SLC44A3: variants seen among roughly 807,000 people sequenced by gnomAD.
The protein encoded by SLC44A3 is choline transporter-like protein 3.
SLC44A3 carries 74 observed loss-of-function variants against 75.4 expected under a neutral mutation model. The ratio of observed to expected loss-of-function variants is 0.98; its 90% confidence interval spans 0.81 to 1.19. The LOEUF (loss-of-function observed/expected upper bound fraction) is 1.19. SLC44A3 is among the 50% of genes most tolerant of loss of function. The pLI is 0.00. For missense variants in SLC44A3, 700 were observed against 778.6 expected (o/e 0.90, Z 1.20); for synonymous variants, 310 against 296.9 (o/e 1.04, Z -0.45).
intron 9 of SLC44A3, among the ~76,000 whole-genome samples, chr1:94,849,728 A>G (rs1664952619): frequency 6.6e-6 from 1 of 152,152 alleles, no homozygotes; most frequent in African/African-American, 2.4e-5. Flanking sequence ...TCCTCAGTAC[A>G]TAAATAGTTG....
intron 5 of SLC44A3, among the ~76,000 whole-genome samples, chr1:94,832,036 A>G (rs2021038): frequency 0.54 from 82,516 of 151,812 alleles, 22,486 homozygotes; most frequent in East Asian, 0.69. Context: ...GTGTGATGGC[A>G]GGCGCCTGTA....
intron 9 of SLC44A3, 120 bp downstream of exon 9, chr1:94,845,584 C>A: frequency 1.1e-6 from 1 of 910,424 alleles, no homozygotes; most frequent in Non-Finnish European, 1.6e-6. Context: ...TGTCTGATGA[C>A]AGCAGCGTTG....
rs748500870 is a variant in SLC44A3 at position 94,894,890 on chromosome 1, G to C, written c.1930G>C (p.Glu644Gln). The C allele has an allele frequency of 2.1e-5, 34 of 1,611,894 alleles. 1 individual carries two copies. The highest frequency in any genetic ancestry group is 2.9e-5 in the Non-Finnish European group (34 of 1,178,698). Residue 644 changes from glutamate to glutamine, a missense_variant, in exon 15 of 15, where the codon GAG becomes CAG. Glu to Gln is a conservative substitution (Grantham distance 29). Transcript: ENST00000271227. ...QQDKHSLRNE[E>Q]GTELQAIVR ...GGACAAGCACTCATTAAGGAATGAG[G>C]AGGGAACAGAACTCCAGGCCATTGT... is the stretch of plus-strand genomic sequence containing the variant.
At chr1:94,881,325 C>T (rs1668943636) in intron 12 of SLC44A3, among the ~76,000 whole-genome samples, 1 of 152,186 alleles carries the variant, frequency 6.6e-6, no homozygotes, top group Non-Finnish European at 1.5e-5. Flanking sequence ...ACATGAAAAA[C>T]ATGAATGTTC....
chr1:94,820,736 C>G (rs1285290582), intron 1 of SLC44A3: 1 of 1,391,086 alleles, frequency 7.2e-7, no homozygotes, highest in African/African-American at 1.5e-5. Context: ...AAGCACTTGG[C>G]GGCAGGGGGC....
chr1:94,851,964 C>A (rs1260334530), intron 9 of SLC44A3, among the ~76,000 whole-genome samples: 1 of 152,216 alleles, frequency 6.6e-6, no homozygotes, highest in African/African-American at 2.4e-5. Flanking sequence ...TAATAATATC[C>A]AGACTTACAG....
At chr1:94,879,209 AACT>A (rs956428183) in intron 12 of SLC44A3, among the ~76,000 whole-genome samples, 5 of 65,054 alleles carry the variant, frequency 7.7e-5, no homozygotes, top group Admixed American at 2.0e-4. Context: ...ATTTAACAAC[AACT>A]ACAAAAAAAA....
chr1:94,839,854 C>A, intron 6 of SLC44A3, 94 bp from the exon 7 acceptor site: 3 of 848,302 alleles, frequency 3.5e-6, no homozygotes, highest in Admixed American at 3.7e-5. Flanking sequence ...CCTCAGCCGT[C>A]ACTGTTCTGG....
At chr1:94,850,876 T>A in intron 9 of SLC44A3, among the ~76,000 whole-genome samples, 1 of 152,326 alleles carries the variant, frequency 6.6e-6, no homozygotes, top group East Asian at 1.9e-4. Flanking sequence ...GTCTTTTTTT[T>A]AAGTTTTCAG....
intron 11 of SLC44A3, among the ~76,000 whole-genome samples, chr1:94,867,055 C>G (rs888643582): frequency 6.6e-6 from 1 of 151,020 alleles, no homozygotes; most frequent in Non-Finnish European, 1.5e-5. Context: ...TTTTTTTTTA[C>G]TGGAACCAGA....
chr1:94,862,954 G>A (rs538366799), intron 10 of SLC44A3, among the ~76,000 whole-genome samples: 1 of 152,304 alleles, frequency 6.6e-6, no homozygotes, highest in African/African-American at 2.4e-5. Flanking sequence ...AGACAGAGCT[G>A]GAGGCACTAG....
intron 12 of SLC44A3, among the ~76,000 whole-genome samples, chr1:94,876,588 G>A (rs535547203): frequency 6.6e-6 from 1 of 152,240 alleles, no homozygotes; most frequent in Non-Finnish European, 1.5e-5. Flanking sequence ...GTGAGTCACT[G>A]TGGCTGAAGG....
At chr1:94,854,227 G>A (rs1557844558) in intron 9 of SLC44A3, among the ~76,000 whole-genome samples, 1 of 152,204 alleles carries the variant, frequency 6.6e-6, no homozygotes, top group South Asian at 2.1e-4. Flanking sequence ...TTGCTTAGGG[G>A]ACAGTGCAGA....
intron 7 of SLC44A3, among the ~76,000 whole-genome samples, chr1:94,841,187 TATCTAAACAC>T (rs1327821948): frequency 2.6e-5 from 4 of 152,238 alleles, no homozygotes; most frequent in Non-Finnish European, 5.9e-5. Context: ...AGTATTTGTG[TATCTAAACAC>T]ATCTAAGCAC....
intron 4 of SLC44A3, 142 bp from the exon 5 acceptor site, chr1:94,828,351 T>C (rs1330337254): frequency 5.3e-6 from 3 of 561,620 alleles, no homozygotes; most frequent in Non-Finnish European, 9.3e-6. Flanking sequence ...GACCTCAGAT[T>C]GTATGCCTAT....
intron 3 of SLC44A3, 120 bp from the exon 4 acceptor site, chr1:94,827,387 A>G: frequency 7.8e-7 from 1 of 1,274,530 alleles, no homozygotes; most frequent in Non-Finnish European, 1.1e-6. Context: ...TGAAACAATT[A>G]TGAAAGTGTG....
intron 10 of SLC44A3, among the ~76,000 whole-genome samples, chr1:94,858,955 G>T (rs116474848): frequency 6.6e-6 from 1 of 152,110 alleles, no homozygotes; most frequent in African/African-American, 2.4e-5. Context: ...CTCCCAAAGT[G>T]CTGGGAATTA....
intron 12 of SLC44A3, among the ~76,000 whole-genome samples, chr1:94,886,202 C>CG (rs1277862893): frequency 1.1e-4 from 16 of 152,156 alleles, no homozygotes; most frequent in Admixed American, 2.0e-4. Context: ...GGGGAGTCTC[C>CG]TAGGCTTGAA....
At chr1:94,831,005 C>G (rs531100863) in intron 5 of SLC44A3, among the ~76,000 whole-genome samples, 1 of 152,286 alleles carries the variant, frequency 6.6e-6, no homozygotes, top group Admixed American at 6.5e-5. Flanking sequence ...TAAGTTCATA[C>G]ATCCAGCAAA....
Sources: gnomAD v4.1 joint callset for allele counts (sites outside exome capture counted in the v4.1 genomes callset) on GRCh38, gnomAD v4.1.1 for gene constraint, MANE v1.5 for transcripts, NCBI Gene and HGNC (gene_info 2026-07-23, HGNC 2026-07-21) for gene names.